The following BAZ2B variants were observed in gnomAD, a reference collection of about 807,000 sequenced individuals.
BAZ2B encodes bromodomain adjacent to zinc finger domain protein 2B.
Under a neutral mutation model 246.0 loss-of-function variants are expected in BAZ2B, and 91 were observed. The ratio of observed to expected loss-of-function variants is 0.37; its 90% CI spans 0.31 to 0.44. BAZ2B has a LOEUF of 0.44. BAZ2B is among the 20% of genes least tolerant of loss of function. The probability of loss-of-function intolerance (pLI) is 1.00; values close to 1 mark genes in which losing one functional copy is unlikely to be tolerated. For synonymous variants in BAZ2B, 855 were observed against 860.0 expected, an observed-to-expected ratio of 0.99 and a Z score of 0.10; for missense variants, 2,332 against 2,533.7, an observed-to-expected ratio of 0.92 and a Z score of 1.71.
chr2:159,601,176 C>T (rs1692043826), intron 1 of BAZ2B, among the ~76,000 whole-genome samples: 1 of 152,076 alleles, frequency 6.6e-6, no homozygotes, highest in African/African-American at 2.4e-5. Context: ...CCTCTTATTC[C>T]AAATATTTAA....
intron 14 of BAZ2B, chr2:159,411,804 TA>T (rs1414578324): frequency 3.1e-6 from 1 of 321,398 alleles, no homozygotes; most frequent in African/African-American, 2.2e-5. Context: ...CTGGTTATCT[TA>T]AAGTACTTTT....
intron 3 of BAZ2B, chr2:159,462,895 T>C: frequency 4.4e-6 from 7 of 1,595,394 alleles, no homozygotes; most frequent in Non-Finnish European, 5.2e-6. Context: ...CAGGATTCTC[T>C]CCAAGACTTC....
intron 13 of BAZ2B, among the ~76,000 whole-genome samples, chr2:159,423,660 T>G (rs754690385): frequency 6.6e-5 from 10 of 152,212 alleles, no homozygotes; most frequent in African/African-American, 1.2e-4. Flanking sequence ...AAATGGTATA[T>G]ATACACCCAG....
chr2:159,342,680 T>A (rs4665063), intron 31 of BAZ2B, among the ~76,000 whole-genome samples: 140,129 of 152,144 alleles, frequency 0.92, 65,637 homozygotes, highest in East Asian at 1. Flanking sequence ...ACAAGCAAAA[T>A]CAAAAACAAA....
At position 159,383,590 on chromosome 2, in the gene BAZ2B, A is replaced by G. The variant is rs746141924; in HGVS notation, c.3761+16T>C. On this transcript the variant is annotated intron_variant, in intron 24 of 36. Transcript: ENST00000392783. ...AAAAGAAAACAGTACATTAACTTTA[A>G]TAAAACAGGACTTACTTGCGGAGTT... is the stretch of plus-strand genomic sequence containing the variant. The G allele has an allele frequency of 2.5e-6, 4 of 1,595,572 alleles. No individual in the cohort carries two copies. The highest frequency in any genetic ancestry group is 3.4e-6 in the Non-Finnish European group (4 of 1,164,920).
intron 1 of BAZ2B, among the ~76,000 whole-genome samples, chr2:159,612,945 T>C (rs999154901): frequency 3.9e-5 from 6 of 152,166 alleles, no homozygotes; most frequent in East Asian, 1.9e-4. Context: ...TACAGTCTTA[T>C]GTGCATTTTA....
chr2:159,538,800 C>T (rs1031895319), intron 2 of BAZ2B, among the ~76,000 whole-genome samples: 5 of 152,266 alleles, frequency 3.3e-5, no homozygotes, highest in African/African-American at 1.2e-4. Context: ...TTTATCTTCT[C>T]ACCTTATGTA....
chr2:159,419,642 T>C (rs575453165), intron 13 of BAZ2B: 3 of 152,362 alleles, frequency 2.0e-5, no homozygotes, highest in East Asian at 1.9e-4. Context: ...GTTTCCACAA[T>C]GCTGACTATG....
At chr2:159,580,490 C>T (rs2151628583) in intron 1 of BAZ2B, among the ~76,000 whole-genome samples, 1 of 152,280 alleles carries the variant, frequency 6.6e-6, no homozygotes, top group South Asian at 2.1e-4. Context: ...GCCATACTGC[C>T]CAAGGTAATT....
intron 3 of BAZ2B, among the ~76,000 whole-genome samples, chr2:159,467,217 A>T (rs2077175417): frequency 1.3e-5 from 2 of 152,190 alleles, no homozygotes; most frequent in Non-Finnish European, 2.9e-5. Flanking sequence ...GTCATGGAGG[A>T]TGTGCAGCCT....
intron 1 of BAZ2B, among the ~76,000 whole-genome samples, chr2:159,601,463 C>T (rs982750341): frequency 1.3e-5 from 2 of 151,836 alleles, no homozygotes; most frequent in African/African-American, 4.8e-5. Context: ...TGGCTCACGC[C>T]TGTAATCCCA....
chr2:159,349,578 CTTGT>C, intron 28 of BAZ2B, 126 bp downstream of exon 28: 5 of 1,113,044 alleles, frequency 4.5e-6, no homozygotes, highest in Non-Finnish European at 6.2e-6. Context: ...GAAATTCTGA[CTTGT>C]TTTAGTTTTC....
upstream of BAZ2B, chr2:159,616,628 G>A (rs896476339): frequency 4.6e-5 from 7 of 152,170 alleles, no homozygotes; most frequent in African/African-American, 1.7e-4. Context: ...AAAAGAGAGA[G>A]AATTGTTTAT....
In BAZ2B at chr2:159,332,543, A is replaced by G. The variant is rs764127437; in HGVS notation, c.5940T>C (p.Ala1980=). 1 of 1,612,594 alleles carries G rather than the reference A, an allele frequency of 6.2e-7. No homozygotes were observed. The highest frequency in any genetic ancestry group is 1.7e-5 in the Admixed American group (1 of 59,714). The change falls in exon 34 of 37, where the codon GCT becomes GCC. Residue 1980 remains alanine (A), a synonymous_variant. Transcript: ENST00000392783. ...DGDWFCPACI[A]KASGQTLKIK... ...TTTAGTTTTAGATTGGTCTTACCTT[A>G]GCAATGCAAGCTGGACAAAACCAGT...
chr2:159,685,391 T>C, the BAZ2B span, among the ~76,000 whole-genome samples: 1 of 152,164 alleles, frequency 6.6e-6, no homozygotes, highest in Non-Finnish European at 1.5e-5. Context: ...CTTACAACAT[T>C]CAGCTCTTAA....
the BAZ2B span, among the ~76,000 whole-genome samples, chr2:159,708,254 G>A: frequency 6.6e-5 from 10 of 151,610 alleles, no homozygotes; most frequent in African/African-American, 2.4e-4. Context: ...TGATGGTACC[G>A]CCGGGTACTC....
At chr2:159,410,504 T>C (rs1224576725) in intron 14 of BAZ2B, among the ~76,000 whole-genome samples, 3 of 152,142 alleles carry the variant, frequency 2.0e-5, no homozygotes, top group Non-Finnish European at 4.4e-5. Context: ...CTCTCTCTCT[T>C]CTGGGTGCCT....
At chr2:159,552,852 A>G (rs1234487905) in intron 2 of BAZ2B, among the ~76,000 whole-genome samples, 1 of 152,238 alleles carries the variant, frequency 6.6e-6, no homozygotes, top group African/African-American at 2.4e-5. Context: ...AAGCATTACC[A>G]AACTATTAGG....
chr2:159,575,276 C>G (rs995867048), intron 1 of BAZ2B, among the ~76,000 whole-genome samples: 4 of 152,024 alleles, frequency 2.6e-5, no homozygotes, highest in African/African-American at 9.7e-5. Context: ...TTACTCCAGC[C>G]TGGGCGACAG....
Sources: gnomAD v4.1 joint callset for allele counts (sites outside exome capture counted in the v4.1 genomes callset) on GRCh38, gnomAD v4.1.1 for gene constraint, MANE v1.5 for transcripts, NCBI Gene and HGNC (gene_info 2026-07-23, HGNC 2026-07-21) for gene names.